NBPF20: variants seen among roughly 807,000 people sequenced by gnomAD.
NBPF20 encodes the protein NBPF family member NBPF20.
NBPF20 carries 90 observed loss-of-function variants against 68.1 expected under a neutral mutation model. The ratio of observed to expected loss-of-function variants is 1.32; its 90% confidence interval spans 1.11 to 1.58. The LOEUF (loss-of-function observed/expected upper bound fraction) is 1.58. Among genes scored for constraint, NBPF20 ranks in the 40% most tolerant of loss-of-function variants. NBPF20 has a pLI of 0.00. For synonymous variants in NBPF20, 290 were observed against 228.1 expected, an observed-to-expected ratio of 1.27 and a Z score of -2.45; for missense variants, 816 against 601.2, an observed-to-expected ratio of 1.36 and a Z score of -3.74.
chr1:145,397,623 C>T (rs1158709110), intron 7 of NBPF20, among the ~76,000 whole-genome samples: 1 of 152,156 alleles, frequency 6.6e-6, no homozygotes, highest in Non-Finnish European at 1.5e-5. Flanking sequence ...CCAGCCACTA[C>T]AAAAACATGC....
chr1:145,291,680 T>A (rs782245518), exon 138 of NBPF20: 7 of 1,611,766 alleles, frequency 4.3e-6, no homozygotes, highest in African/African-American at 4.0e-5. Flanking sequence ...GTCAGGTAGT[T>A]CAAAGTACAT....
At chr1:145,290,612 A>T (rs1372683531) in exon 138 of NBPF20, 28 of 150,888 alleles carry the variant, frequency 1.9e-4, no homozygotes, top group African/African-American at 6.3e-4. Flanking sequence ...AAAGAAATGC[A>T]GCTACATTAT....
At chr1:145,397,926 G>T (rs1196183130) in intron 7 of NBPF20, among the ~76,000 whole-genome samples, 5 of 152,022 alleles carry the variant, frequency 3.3e-5, no homozygotes, top group Non-Finnish European at 5.9e-5. Flanking sequence ...AAAGGCAGGG[G>T]TTGCAATCCT....
the NBPF20 span, among the ~76,000 whole-genome samples, chr1:145,410,804 G>A: frequency 0.075 from 5,460 of 72,740 alleles, 473 homozygotes; most frequent in African/African-American, 0.23. Context: ...ATACGTATAT[G>A]TATATATATA....
Position 145,395,057 on chromosome 1 carries a change from C to A in NBPF20, c.912G>T (p.Met304Ile), listed in dbSNP as rs1345067372. Residue 304 changes from methionine (M) to isoleucine (I), a missense_variant, in exon 8 of 138, where the codon ATG becomes ATT. By Grantham distance (10) the Met-to-Ile change is conservative. Coordinates refer to ENST00000369373, the Ensembl canonical transcript of NBPF20. ...TGCTGTAAGACTGGTACGAGGCCAA[C>A]ATTTCAGGAGGAATTGAGAGAGTCG... 9 of 1,611,196 alleles carry A rather than the reference C, an allele frequency of 5.6e-6. No individual in the cohort carries two copies. In the African/African-American group the frequency reaches 9.4e-5, roughly 17 times the overall value.
exon 138 of NBPF20, chr1:145,290,440 A>C (rs1553657038): frequency 2.0e-5 from 3 of 149,614 alleles, no homozygotes; most frequent in Non-Finnish European, 4.5e-5. Flanking sequence ...TGTTCCCGGC[A>C]AAACGTTTAG....
chr1:145,405,273 G>A (rs782745544), exon 2 of NBPF20: 2 of 1,607,526 alleles, frequency 1.2e-6, no homozygotes, highest in Non-Finnish European at 1.7e-6. Context: ...ATACCACCAT[G>A]CTGACGTTTG....
chr1:145,412,630 C>T, the NBPF20 span, among the ~76,000 whole-genome samples: 20 of 149,238 alleles, frequency 1.3e-4, no homozygotes, highest in South Asian at 4.3e-4. Flanking sequence ...TAAAGTGATA[C>T]GAAGAAAACT....
At chr1:145,410,376 G>C (rs1234002283), upstream of NBPF20, among the ~76,000 whole-genome samples, 1 of 149,460 alleles carries the variant, frequency 6.7e-6, no homozygotes, top group Non-Finnish European at 1.5e-5. Flanking sequence ...GTGCAGTGGC[G>C]GGATCTCGGC....
exon 4 of NBPF20, chr1:145,402,253 G>A (rs1662556317): frequency 1.7e-5 from 27 of 1,609,452 alleles, no homozygotes; most frequent in Middle Eastern, 2.0e-4. Context: ...GGACTTGTCC[G>A]GCTCATCCGG....
At chr1:145,407,892 G>C (rs2101602345), upstream of NBPF20, 1 of 157,846 alleles carries the variant, frequency 6.3e-6, no homozygotes, top group East Asian at 1.8e-4. Flanking sequence ...GCCAGCTGAG[G>C]TTGGTGTCCT....
At chr1:145,291,984 CAG>C (rs587696356) in intron 137 of NBPF20, among the ~76,000 whole-genome samples, 1 of 149,686 alleles carries the variant, frequency 6.7e-6, no homozygotes, top group African/African-American at 2.5e-5. Flanking sequence ...GAGACAGAGA[CAG>C]AGAGAGAGAG....
Sources: gnomAD v4.1 joint callset for allele counts (sites outside exome capture counted in the v4.1 genomes callset) on GRCh38, gnomAD v4.1.1 for gene constraint, MANE v1.5 for transcripts, NCBI Gene and HGNC (gene_info 2026-07-23, HGNC 2026-07-21) for gene names.